Variants in SLC44A1 observed in about 807,000 individuals in gnomAD.
The protein encoded by SLC44A1 is solute carrier family 44 member 1.
Under a neutral mutation model 79.3 loss-of-function variants are expected in SLC44A1, and 26 were observed. The ratio of observed to expected loss-of-function variants is 0.33; its 90% CI spans 0.24 to 0.46. The LOEUF (loss-of-function observed/expected upper bound fraction) is 0.46, where lower values mean the gene tolerates loss of function less well. Among genes scored for constraint, SLC44A1 ranks in the 20% least tolerant of loss-of-function variants. The pLI, the probability that SLC44A1 is intolerant of heterozygous loss-of-function variation, is 1.00. For missense variants in SLC44A1, 688 were observed against 798.1 expected (o/e 0.86, Z 1.66); for synonymous variants, 263 against 286.2 (o/e 0.92, Z 0.82).
intron 1 of SLC44A1, among the ~76,000 whole-genome samples, chr9:105,261,775 CTTTTTTTTTT>C (rs35530318): frequency 1.8e-5 from 2 of 111,686 alleles, no homozygotes; most frequent in Non-Finnish European, 3.5e-5. Context: ...CTCTCTCTCT[CTTTTTTTTTT>C]TTTTTTTTTT....
intron 5 of SLC44A1, among the ~76,000 whole-genome samples, chr9:105,350,612 G>A (rs1827376040): frequency 6.6e-6 from 1 of 152,132 alleles, no homozygotes; most frequent in Admixed American, 6.5e-5. Flanking sequence ...CCTGAACTTT[G>A]AGATAAGTCT....
chr9:105,272,630 T>G (rs997617085), intron 1 of SLC44A1, among the ~76,000 whole-genome samples: 8 of 152,016 alleles, frequency 5.3e-5, no homozygotes, highest in Admixed American at 3.9e-4. Flanking sequence ...AGGTTAAAGG[T>G]CTAAGATTAT....
chr9:105,338,924 A>G (rs1216919362), intron 4 of SLC44A1, among the ~76,000 whole-genome samples: 2 of 152,206 alleles, frequency 1.3e-5, no homozygotes, highest in Non-Finnish European at 2.9e-5. Flanking sequence ...TTTTCAAATC[A>G]GTAAGAGGGG....
intron 7 of SLC44A1, among the ~76,000 whole-genome samples, chr9:105,360,438 G>A (rs548036964): frequency 6.6e-6 from 1 of 152,268 alleles, no homozygotes; most frequent in South Asian, 2.1e-4. Context: ...AACAGCAAGA[G>A]TAAGAACTTG....
At chr9:105,364,389 A>G (rs1179962223) in intron 9 of SLC44A1, among the ~76,000 whole-genome samples, 166 bp from the exon 10 acceptor site, 1 of 152,206 alleles carries the variant, frequency 6.6e-6, no homozygotes, top group African/African-American at 2.4e-5. Context: ...ACAATTCTTA[A>G]TTTCACAACT....
chr9:105,257,870 T>C (rs1329517046), intron 1 of SLC44A1, among the ~76,000 whole-genome samples: 1 of 152,166 alleles, frequency 6.6e-6, no homozygotes, highest in Non-Finnish European at 1.5e-5. Context: ...GATGTTATGT[T>C]GCATTTGGGG....
chr9:105,304,722 G>A (rs1830971797), intron 2 of SLC44A1, among the ~76,000 whole-genome samples: 1 of 151,968 alleles, frequency 6.6e-6, no homozygotes, highest in Non-Finnish European at 1.5e-5. Flanking sequence ...TGCTCATGAT[G>A]GTAAGGAGTG....
chr9:105,320,292 C>CTTTTTT (rs34573916), intron 3 of SLC44A1, among the ~76,000 whole-genome samples: 1 of 119,086 alleles, frequency 8.4e-6, no homozygotes, highest in Non-Finnish European at 1.8e-5. Context: ...CAATATTTAA[C>CTTTTTT]TTTTTTTTTT....
chr9:105,331,939 A>G (rs1588791109), intron 3 of SLC44A1, among the ~76,000 whole-genome samples: 1 of 152,164 alleles, frequency 6.6e-6, no homozygotes, highest in Admixed American at 6.5e-5. Context: ...AGTTGTTGCA[A>G]AGATCAAATA....
intron 1 of SLC44A1, among the ~76,000 whole-genome samples, chr9:105,257,711 G>A (rs1829744960): frequency 2.0e-5 from 3 of 152,240 alleles, no homozygotes; most frequent in Admixed American, 6.5e-5. Flanking sequence ...GAAGAATGGG[G>A]TTTAGAAAAA....
chr9:105,258,582 T>G (rs1036677370), intron 1 of SLC44A1, among the ~76,000 whole-genome samples: 2 of 152,208 alleles, frequency 1.3e-5, no homozygotes, highest in African/African-American at 4.8e-5. Flanking sequence ...TGTATTTCCC[T>G]CTGCTGTTCC....
intron 8 of SLC44A1, 27 bp downstream of exon 8, chr9:105,361,357 C>CGGTT: frequency 6.4e-7 from 1 of 1,553,958 alleles, no homozygotes; most frequent in South Asian, 1.2e-5. Flanking sequence ...GCGTGTCTTT[C>CGGTT]GGTTTTGTGT....
intron 15 of SLC44A1, among the ~76,000 whole-genome samples, chr9:105,404,809 AC>A (rs374845279): frequency 7.0e-4 from 107 of 152,352 alleles, no homozygotes; most frequent in African/African-American, 2.5e-3. Context: ...AAGCTGGGTA[AC>A]CTGCGAAAGC....
At chr9:105,308,071 T>C (rs896638665) in intron 2 of SLC44A1, among the ~76,000 whole-genome samples, 1 of 152,198 alleles carries the variant, frequency 6.6e-6, no homozygotes, top group Non-Finnish European at 1.5e-5. Flanking sequence ...ATAACAGCCT[T>C]TGTGGTAAGT....
chr9:105,426,300 A>C (rs967579845), intron 15 of SLC44A1, among the ~76,000 whole-genome samples: 2 of 152,154 alleles, frequency 1.3e-5, no homozygotes, highest in African/African-American at 4.8e-5. Context: ...ATTATTTCTA[A>C]GGTTATATTT....
downstream of SLC44A1, among the ~76,000 whole-genome samples, chr9:105,398,581 G>A (rs1339107235): frequency 4.6e-5 from 7 of 152,152 alleles, no homozygotes; most frequent in East Asian, 1.9e-4. Context: ...TATGGAAAGC[G>A]TACTCTGTAT....
At chr9:105,279,772 A>G (rs556765861) in intron 1 of SLC44A1, among the ~76,000 whole-genome samples, 1 of 152,326 alleles carries the variant, frequency 6.6e-6, no homozygotes, top group African/African-American at 2.4e-5. Flanking sequence ...TCGTGCAATA[A>G]TCCACCATAC....
At chr9:105,263,459 G>A (rs532621899) in intron 1 of SLC44A1, among the ~76,000 whole-genome samples, 30 of 151,666 alleles carry the variant, frequency 2.0e-4, no homozygotes, top group Non-Finnish European at 3.8e-4. Context: ...ACTGTTCTGG[G>A]CCACTTCTTT....
At chr9:105,402,102 C>T (rs1828966191), downstream of SLC44A1, among the ~76,000 whole-genome samples, 1 of 152,110 alleles carries the variant, frequency 6.6e-6, no homozygotes, top group Non-Finnish European at 1.5e-5. Flanking sequence ...AGAAGATGTG[C>T]GTTTGCACCA....
Sources: allele counts gnomAD v4.1 joint callset (sites outside exome capture counted in the v4.1 genomes callset), GRCh38; gene constraint gnomAD v4.1.1; transcripts MANE v1.5; gene names NCBI Gene and HGNC (gene_info 2026-07-23, HGNC 2026-07-21).